PTPRM: variants seen among roughly 807,000 people sequenced by gnomAD.
The protein encoded by PTPRM is receptor-type tyrosine-protein phosphatase mu.
Under a neutral mutation model 186.7 loss-of-function variants are expected in PTPRM, and 47 were observed. The observed-to-expected ratio is 0.25, with a 90% CI of 0.20 to 0.32. The LOEUF (loss-of-function observed/expected upper bound fraction) is 0.32, where lower values mean the gene tolerates loss of function less well. Ranked by LOEUF, PTPRM falls within the 10% of genes least tolerant of loss-of-function variation. The pLI is 1.00. For missense variants in PTPRM, 1,494 were observed against 1,865.0 expected (o/e 0.80, Z 3.66); for synonymous variants, 668 against 674.9 (o/e 0.99, Z 0.16).
chr18:8,158,569 C>T (rs1248833263), intron 14 of PTPRM, among the ~76,000 whole-genome samples: 1 of 151,970 alleles, frequency 6.6e-6, no homozygotes, highest in Non-Finnish European at 1.5e-5. Flanking sequence ...AAAAATAGTC[C>T]AATTTCTAAC....
At chr18:7,901,621 C>T (rs1599386130) in intron 3 of PTPRM, among the ~76,000 whole-genome samples, 1 of 152,146 alleles carries the variant, frequency 6.6e-6, no homozygotes, top group African/African-American at 2.4e-5. Context: ...ACCTTGGCCT[C>T]CCAAAGTGCT....
chr18:7,873,833 T>C (rs2048094696), intron 2 of PTPRM, among the ~76,000 whole-genome samples: 1 of 152,346 alleles, frequency 6.6e-6, no homozygotes, highest in East Asian at 1.9e-4. Context: ...AGCAGTTGCT[T>C]AGTATTTATA....
intron 14 of PTPRM, among the ~76,000 whole-genome samples, chr18:8,196,683 T>C (rs2093782807): frequency 6.6e-6 from 1 of 152,208 alleles, no homozygotes; most frequent in South Asian, 2.1e-4. Context: ...TTGGAAAACA[T>C]TTATCATTTG....
chr18:8,096,540 A>G (rs2091026287), intron 11 of PTPRM, among the ~76,000 whole-genome samples: 1 of 152,196 alleles, frequency 6.6e-6, no homozygotes, highest in Non-Finnish European at 1.5e-5. Flanking sequence ...TCCCTCATCT[A>G]GATAGACCGT....
intron 1 of PTPRM, among the ~76,000 whole-genome samples, chr18:7,618,779 C>G (rs1161174212): frequency 6.6e-6 from 1 of 152,102 alleles, no homozygotes; most frequent in African/African-American, 2.4e-5. Flanking sequence ...GCTTGTTAAG[C>G]TTTTTCTATT....
At chr18:8,392,936 C>T (rs1330389845) in intron 31 of PTPRM, among the ~76,000 whole-genome samples, 1 of 152,154 alleles carries the variant, frequency 6.6e-6, no homozygotes, top group Non-Finnish European at 1.5e-5. Flanking sequence ...GAAGAAGAGA[C>T]AGCTCTTTCT....
intron 7 of PTPRM, among the ~76,000 whole-genome samples, chr18:8,056,223 T>G (rs1241451770): frequency 6.6e-6 from 1 of 152,190 alleles, no homozygotes; most frequent in Non-Finnish European, 1.5e-5. Context: ...TGAGAGAAAT[T>G]CTTAACATAA....
chr18:7,929,148 C>T (rs1306717322), intron 5 of PTPRM, among the ~76,000 whole-genome samples: 1 of 151,980 alleles, frequency 6.6e-6, no homozygotes, highest in Non-Finnish European at 1.5e-5. Flanking sequence ...CCAGTGTGCA[C>T]CCAGGGTTGG....
chr18:7,881,242 C>T (rs1288586876), intron 2 of PTPRM, among the ~76,000 whole-genome samples: 3 of 152,048 alleles, frequency 2.0e-5, no homozygotes, highest in Non-Finnish European at 4.4e-5. Context: ...TGAGACCAGC[C>T]TGGCCAACAT....
intron 1 of PTPRM, among the ~76,000 whole-genome samples, chr18:7,665,967 C>T (rs1404235840): frequency 6.6e-6 from 1 of 152,008 alleles, no homozygotes; most frequent in African/African-American, 2.4e-5. Flanking sequence ...TTCTATGAAT[C>T]ATAAGTAGCA....
chr18:7,644,760 A>G (rs975066282), intron 1 of PTPRM, among the ~76,000 whole-genome samples: 2 of 152,208 alleles, frequency 1.3e-5, no homozygotes, highest in Non-Finnish European at 2.9e-5. Flanking sequence ...GTTGAGGTTT[A>G]TGCAAGACAA....
intron 1 of PTPRM, among the ~76,000 whole-genome samples, chr18:7,757,187 C>G (rs1450436879): frequency 6.6e-6 from 1 of 152,142 alleles, no homozygotes; most frequent in African/African-American, 2.4e-5. Flanking sequence ...CTGAAGTAGG[C>G]CTTTTAGTAA....
At chr18:7,583,660 G>A (rs1434411947) in intron 1 of PTPRM, among the ~76,000 whole-genome samples, 1 of 152,192 alleles carries the variant, frequency 6.6e-6, no homozygotes, top group East Asian at 1.9e-4. Context: ...AAATTAATTG[G>A]TTAGAGAATT....
intron 1 of PTPRM, among the ~76,000 whole-genome samples, chr18:7,647,008 T>C (rs1412090855): frequency 6.6e-6 from 1 of 152,182 alleles, no homozygotes; most frequent in Non-Finnish European, 1.5e-5. Context: ...TTTTTTGCCA[T>C]GTGTCTTAGC....
intron 23 of PTPRM, among the ~76,000 whole-genome samples, chr18:8,358,249 G>GCACACACACACACACACACA (rs144869213): frequency 6.8e-6 from 1 of 147,550 alleles, no homozygotes; most frequent in Non-Finnish European, 1.5e-5. Flanking sequence ...CACATGACAC[G>GCACACACACACACACACACA]CACACACACA....
intron 7 of PTPRM, among the ~76,000 whole-genome samples, chr18:7,955,679 T>C (rs1488825880): frequency 6.6e-6 from 1 of 152,184 alleles, no homozygotes; most frequent in Non-Finnish European, 1.5e-5. Flanking sequence ...ACATTGTTCA[T>C]ATAGGAATTG....
chr18:7,721,549 C>A (rs1007219124), intron 1 of PTPRM, among the ~76,000 whole-genome samples: 4 of 152,084 alleles, frequency 2.6e-5, no homozygotes, highest in Non-Finnish European at 4.4e-5. Context: ...AATGCCAAAT[C>A]CAATGTCATG....
chr18:8,359,618 G>A (rs898257062), intron 23 of PTPRM, among the ~76,000 whole-genome samples: 1 of 152,226 alleles, frequency 6.6e-6, no homozygotes, highest in African/African-American at 2.4e-5. Flanking sequence ...ACCTGCCTTT[G>A]TATCTAAAAA....
chr18:7,985,313 A>C (rs2082875871), intron 7 of PTPRM, among the ~76,000 whole-genome samples: 1 of 109,722 alleles, frequency 9.1e-6, no homozygotes, highest in Admixed American at 1.0e-4. Context: ...TAGTATATAC[A>C]CATAAATATA....
Sources: allele counts gnomAD v4.1 joint callset (sites outside exome capture counted in the v4.1 genomes callset), GRCh38; gene constraint gnomAD v4.1.1; transcripts MANE v1.5; gene names NCBI Gene and HGNC (gene_info 2026-07-23, HGNC 2026-07-21).